P4HA3: variants seen among roughly 807,000 people sequenced by gnomAD.
P4HA3 encodes the protein prolyl 4-hydroxylase subunit alpha 3.
In P4HA3, 60 loss-of-function variants were observed where a neutral mutation model predicts 66.7. The observed-to-expected ratio is 0.90, with a 90% CI of 0.73 to 1.12. P4HA3 has a LOEUF of 1.12. P4HA3 is among the 50% of genes most tolerant of loss of function. P4HA3 has a pLI of 0.00. For missense variants in P4HA3, 683 were observed against 685.8 expected, an observed-to-expected ratio of 1.00 and a Z score of 0.05; for synonymous variants, 263 against 274.6, an observed-to-expected ratio of 0.96 and a Z score of 0.42.
chr11:74,265,904 A>C (rs765538712), downstream of P4HA3, among the ~76,000 whole-genome samples: 4 of 152,242 alleles, frequency 2.6e-5, no homozygotes, highest in Non-Finnish European at 5.9e-5. Flanking sequence ...GCAACTGACC[A>C]AAATTAAACA....
chr11:74,251,872 C>A, intron 15 of P4HA3: 1 of 956,010 alleles, frequency 1.0e-6, no homozygotes, highest in Non-Finnish European at 1.7e-6. Flanking sequence ...ATGTCTGTTT[C>A]TACAAAGCCA....
intron 15 of P4HA3, among the ~76,000 whole-genome samples, chr11:74,257,822 T>C (rs553160797): frequency 6.6e-6 from 1 of 152,130 alleles, no homozygotes; most frequent in South Asian, 2.1e-4. Flanking sequence ...TATACTTAAT[T>C]AGAACAGTGG....
intron 4 of P4HA3, among the ~76,000 whole-genome samples, chr11:74,289,870 T>C (rs2134778525): frequency 6.6e-6 from 1 of 152,252 alleles, no homozygotes; most frequent in Admixed American, 6.5e-5. Context: ...TGGTTCCAAG[T>C]CTTTGCTATT....
chr11:74,276,957 G>C (rs770689118), intron 9 of P4HA3, 28 bp downstream of exon 9: 1 of 1,593,896 alleles, frequency 6.3e-7, no homozygotes, highest in African/African-American at 1.3e-5. Flanking sequence ...CCCTACCCCA[G>C]GGGATTGGTC....
intron 4 of P4HA3, among the ~76,000 whole-genome samples, chr11:74,293,934 C>T (rs1861124354): frequency 6.6e-6 from 1 of 152,124 alleles, no homozygotes; most frequent in East Asian, 1.9e-4. Context: ...CTTGGAGTTG[C>T]TCTTCTCGAG....
chr11:74,290,385 T>G (rs1435184024), intron 4 of P4HA3, among the ~76,000 whole-genome samples: 2 of 150,238 alleles, frequency 1.3e-5, no homozygotes, highest in African/African-American at 4.9e-5. Context: ...TTTCTCCCAT[T>G]TTGTAGGTTG....
chr11:74,294,447 C>T (rs909972769), intron 4 of P4HA3, among the ~76,000 whole-genome samples: 6 of 152,226 alleles, frequency 3.9e-5, no homozygotes, highest in African/African-American at 1.4e-4. Context: ...TCTCTCAACT[C>T]ATCAAAGTCA....
At chr11:74,302,143 G>A (rs1161671810) in intron 3 of P4HA3, among the ~76,000 whole-genome samples, 1 of 152,202 alleles carries the variant, frequency 6.6e-6, no homozygotes, top group African/African-American at 2.4e-5. Context: ...GAGATTTGGA[G>A]TCAAAAGACT....
intron 15 of P4HA3, among the ~76,000 whole-genome samples, chr11:74,252,022 C>T (rs866965345): frequency 6.6e-6 from 1 of 151,730 alleles, no homozygotes; most frequent in South Asian, 2.1e-4. Flanking sequence ...GGAATCAGTC[C>T]TTTTCCAGGC....
chr11:74,272,354 A>T (rs918612518), intron 10 of P4HA3, among the ~76,000 whole-genome samples: 1 of 152,192 alleles, frequency 6.6e-6, no homozygotes, highest in Non-Finnish European at 1.5e-5. Context: ...GGGATAAAGA[A>T]CAGAGATATA....
At chr11:74,308,108 AT>A (rs1861624974) in intron 1 of P4HA3, among the ~76,000 whole-genome samples, 1 of 152,138 alleles carries the variant, frequency 6.6e-6, no homozygotes, top group African/African-American at 2.4e-5. Context: ...AGAATACTGC[AT>A]TTTTCTATCT....
intron 14 of P4HA3, among the ~76,000 whole-genome samples, chr11:74,260,924 G>A (rs1172377051): frequency 6.6e-6 from 1 of 152,180 alleles, no homozygotes; most frequent in African/African-American, 2.4e-5. Context: ...CTTTGGTAAT[G>A]ACACAGGATT....
intron 4 of P4HA3, among the ~76,000 whole-genome samples, chr11:74,296,559 T>G (rs867854367): frequency 6.6e-6 from 1 of 151,706 alleles, no homozygotes; most frequent in Non-Finnish European, 1.5e-5. Context: ...GCCTGGGGAG[T>G]GAGGAGAACT....
chr11:74,303,355 C>T (rs954474296), intron 2 of P4HA3, among the ~76,000 whole-genome samples: 14 of 144,194 alleles, frequency 9.7e-5, no homozygotes, highest in East Asian at 6.1e-4. Context: ...AGAGCAGTGG[C>T]GCAATCTCAG....
chr11:74,286,265 T>C lies in P4HA3; in HGVS notation c.896A>G (p.Asp299Gly), dbSNP rs148426172. 5.3e-3 allele frequency: 8,503 copies of C among 1,613,062 alleles called. 21 individuals carry two copies. Among genetic ancestry groups the C allele is most frequent in the Non-Finnish European group, 6.4e-3 (7,547 of 1,179,688 alleles). ...GGTCTGACATAGCCCCTCGTAGGTG[T>C]CTCTGGTCTGCAGGTGGGGTATATT... is the stretch of plus-strand genomic sequence containing the variant. ...RPNIPHLQTR[D>G]TYEGLCQTLG... is the part of the protein sequence containing the mutation. Residue 299 changes from aspartate to glycine, a missense_variant, in exon 6 of 13, where the codon GAC becomes GGC. Coordinates refer to ENST00000331597, the MANE Select transcript of P4HA3 (RefSeq NM_182904.5).
chr11:74,251,863 T>C (rs766254547), intron 15 of P4HA3: 1 of 995,756 alleles, frequency 1.0e-6, no homozygotes, highest in Non-Finnish European at 1.6e-6. Flanking sequence ...GAGCCTGGCA[T>C]GTCTGTTTCT....
At chr11:74,288,983 A>T in intron 5 of P4HA3, 96 bp downstream of exon 5, 1 of 778,156 alleles carries the variant, frequency 1.3e-6, no homozygotes, top group Non-Finnish European at 1.9e-6. Flanking sequence ...AAAGATAGAT[A>T]GCTGTATTTC....
intron 15 of P4HA3, chr11:74,250,379 C>T (rs1366801804): frequency 2.6e-5 from 4 of 153,030 alleles, no homozygotes; most frequent in Non-Finnish European, 4.4e-5. Flanking sequence ...CTTAAGTGCT[C>T]AGATGGTAAC....
At chr11:74,299,427 G>A (rs910803712) in intron 3 of P4HA3, among the ~76,000 whole-genome samples, 3 of 152,110 alleles carry the variant, frequency 2.0e-5, no homozygotes, top group African/African-American at 4.8e-5. Context: ...TTTCCTTCAA[G>A]TCTGCCATTA....
Sources: gnomAD v4.1 joint callset for allele counts (sites outside exome capture counted in the v4.1 genomes callset) on GRCh38, gnomAD v4.1.1 for gene constraint, MANE v1.5 for transcripts, NCBI Gene and HGNC (gene_info 2026-07-23, HGNC 2026-07-21) for gene names.